Variants in NEXMIF observed in about 807,000 individuals in gnomAD.
NEXMIF encodes XLMR protein related to neurite extension.
In NEXMIF, 8 loss-of-function variants were observed where a neutral mutation model predicts 62.1. That is an observed-to-expected ratio of 0.13 (90% CI 0.08 to 0.23). The LOEUF is 0.23. NEXMIF is among the 10% of genes least tolerant of loss of function. The probability of loss-of-function intolerance (pLI) is 1.00; values close to 1 mark genes in which losing one functional copy is unlikely to be tolerated. For synonymous variants in NEXMIF, 404 were observed against 416.6 expected, an observed-to-expected ratio of 0.97 and a Z score of 0.37; for missense variants, 976 against 1,113.3, an observed-to-expected ratio of 0.88 and a Z score of 1.75.
chrX:74,884,548 C>T (rs1019592096), intron 1 of NEXMIF, among the ~76,000 whole-genome samples: 1 of 111,499 alleles, frequency 9.0e-6, no homozygotes, highest in African/African-American at 3.3e-5. Context: ...AGAGACAAAG[C>T]AGGCCATTAT....
chrX:74,836,259 A>G (rs769099769), intron 1 of NEXMIF, among the ~76,000 whole-genome samples: 1 of 112,852 alleles, frequency 8.9e-6, no homozygotes, highest in East Asian at 2.8e-4. Context: ...CAGGGAACCC[A>G]AGAGCCTGCT....
chrX:74,804,030 TGTG>T lies in NEXMIF; in HGVS notation c.-47-58336_-47-58334del, dbSNP rs1383179104. Among the ~76,000 whole-genome samples the T allele has an allele frequency of 2.7e-5, 3 of 111,943 alleles. No individual in the cohort carries two copies. The East Asian group carries it at 8.4e-4, about 31-fold the overall frequency. On this transcript the variant is annotated intron_variant, in intron 1 of 3. Coordinates refer to ENST00000055682, the MANE Select transcript of NEXMIF (RefSeq NM_001008537.3). ...AGACAGGATATTATAGAACTGTAATTGTGGTGTGTAAATTACTATTAAGTAGAA... is the reference window on the plus strand; with the variant it reads ...AGACAGGATATTATAGAACTGTAATTGTGTGTAAATTACTATTAAGTAGAA...
At chrX:74,924,019 G>A (rs1170951819) in intron 1 of NEXMIF, among the ~76,000 whole-genome samples, 2 of 111,870 alleles carry the variant, frequency 1.8e-5, no homozygotes, top group African/African-American at 3.3e-5. Context: ...AAAACCTTGC[G>A]CGGGTGATTC....
intron 1 of NEXMIF, among the ~76,000 whole-genome samples, chrX:74,756,790 C>T (rs769880533): frequency 8.9e-6 from 1 of 111,866 alleles, no homozygotes; most frequent in East Asian, 2.8e-4. Context: ...TGGCTGATGC[C>T]CAAAGCCATA....
At chrX:74,739,881 C>T in intron 3 of NEXMIF, 1 of 405,972 alleles carries the variant, frequency 2.5e-6, no homozygotes, top group Non-Finnish European at 4.2e-6. Context: ...TATCCCTAGC[C>T]AAGCCACAAC....
At chrX:74,789,627 C>T (rs1457798941) in intron 1 of NEXMIF, among the ~76,000 whole-genome samples, 2 of 110,921 alleles carry the variant, frequency 1.8e-5, no homozygotes, top group Non-Finnish European at 3.8e-5. Flanking sequence ...CACATCCTCT[C>T]CAGCACCTGT....
chrX:74,820,960 C>T (rs1481785330), intron 1 of NEXMIF, among the ~76,000 whole-genome samples: 2 of 110,979 alleles, frequency 1.8e-5, no homozygotes, highest in Non-Finnish European at 3.8e-5. Context: ...CAACTGAAAC[C>T]CCAGCCACAT....
chrX:74,856,373 C>T (rs964937707), intron 1 of NEXMIF, among the ~76,000 whole-genome samples: 1 of 111,512 alleles, frequency 9.0e-6, no homozygotes, highest in Non-Finnish European at 1.9e-5. Flanking sequence ...TTGAGATTAA[C>T]CAGTCTAAGG....
At position 74,733,571 on chromosome X, in the gene NEXMIF, T is replaced by C. The variant is rs1323644658; in HGVS notation, c.*5834A>G. On this transcript the variant is annotated 3_prime_UTR_variant, in exon 4 of 4. Transcript: ENST00000055682. ...TCTAATACATATGATTCTAAAGCAG[T>C]ATTTTAAACTTTTCTTTTTATTTAT... 1 of 112,367 alleles carries C rather than the reference T, an allele frequency of 8.9e-6. No homozygotes were observed. The highest frequency in any genetic ancestry group is 1.9e-5 in the Non-Finnish European group (1 of 53,254). The allele number at this position is 112,367 out of a possible 1,213,427, so 9.3% of individuals were successfully genotyped here.
chrX:74,834,425 T>C (rs1306842453), intron 1 of NEXMIF, among the ~76,000 whole-genome samples: 1 of 111,820 alleles, frequency 8.9e-6, no homozygotes, highest in Admixed American at 9.5e-5. Flanking sequence ...ACAACTTCTT[T>C]TTGCTCATTG....
chrX:74,766,967 C>T (rs900112056), intron 1 of NEXMIF, among the ~76,000 whole-genome samples: 1 of 111,891 alleles, frequency 8.9e-6, no homozygotes, highest in African/African-American at 3.2e-5. Context: ...GTGAGGACTG[C>T]GAACTGCATG....
Position 74,742,882 on chromosome X carries a change from C to T in NEXMIF, c.1675G>A (p.Gly559Ser), listed in dbSNP as rs1253434745. The T allele has an allele frequency of 5.8e-6, 7 of 1,209,292 alleles. No individual in the cohort carries two copies. The highest frequency in any genetic ancestry group is 6.7e-6 in the Non-Finnish European group (6 of 895,077). The change falls in exon 3 of 4, where the codon GGT becomes AGT. Residue 559 changes from glycine to serine, a missense_variant. By Grantham distance (56) the Gly-to-Ser change is moderately conservative. Coordinates refer to ENST00000055682, the MANE Select transcript of NEXMIF (RefSeq NM_001008537.3). ...GTTGTCTCACTGGCATCCACCTTAC[C>T]CAACTTCACCAGCATGTTCTTCTCA... ...KGEKNMLVKL[G>S]KVDASETTVN... is the part of the protein sequence containing the mutation.
intron 1 of NEXMIF, among the ~76,000 whole-genome samples, chrX:74,903,325 TACACACACACACACACACAC>T (rs397897060): frequency 1.0e-3 from 51 of 51,249 alleles, no homozygotes; most frequent in African/African-American, 2.1e-3. Context: ...TTCTCAGGCA[TACACACACACACACACACAC>T]ACACACACAC....
chrX:74,820,993 C>A (rs774803678), intron 1 of NEXMIF, among the ~76,000 whole-genome samples: 73 of 111,120 alleles, frequency 6.6e-4, no homozygotes, highest in African/African-American at 2.3e-3. Flanking sequence ...TGTAACCAAC[C>A]TGTACATGTG....
At chrX:74,879,859 A>T (rs1188855113) in intron 1 of NEXMIF, among the ~76,000 whole-genome samples, 3 of 112,082 alleles carry the variant, frequency 2.7e-5, no homozygotes, top group Non-Finnish European at 5.6e-5. Flanking sequence ...AAACACTCAA[A>T]CTTGATAGAA....
rs182701894 is a variant in NEXMIF, at chrX:74,914,739, T to C, written c.-48+10144A>G. Among the ~76,000 whole-genome samples the C allele has an allele frequency of 5.2e-3, 578 of 112,047 alleles. 4 individuals carry two copies. The highest frequency in any genetic ancestry group is 0.018 in the African/African-American group (555 of 30,837). ...CAAACAAAAAGCACCTGTATGCTAA[T>C]GTTCATAGCAGTTTTATTTGTAATA... On this transcript the variant is annotated intron_variant, in intron 1 of 3. Coordinates refer to ENST00000055682, the MANE Select transcript of NEXMIF (RefSeq NM_001008537.3).
chrX:74,824,815 A>AT (rs766526159), intron 1 of NEXMIF, among the ~76,000 whole-genome samples: 14 of 109,618 alleles, frequency 1.3e-4, no homozygotes, highest in South Asian at 8.1e-4. Context: ...CGCCCAGCTA[A>AT]TTTTTTTTAT....
At chrX:74,812,795 T>G (rs1193170296) in intron 1 of NEXMIF, among the ~76,000 whole-genome samples, 1 of 112,021 alleles carries the variant, frequency 8.9e-6, no homozygotes, top group Non-Finnish European at 1.9e-5. Flanking sequence ...TACCCAATTT[T>G]GTAGGATCTC....
chrX:74,752,644 G>T (rs1427437100), intron 1 of NEXMIF, among the ~76,000 whole-genome samples: 1 of 111,382 alleles, frequency 9.0e-6, no homozygotes, highest in Non-Finnish European at 1.9e-5. Flanking sequence ...ATTAAGACTG[G>T]AATTAGGGGT....
Sources: allele counts gnomAD v4.1 joint callset (sites outside exome capture counted in the v4.1 genomes callset), GRCh38; gene constraint gnomAD v4.1.1; transcripts MANE v1.5; gene names NCBI Gene and HGNC (gene_info 2026-07-23, HGNC 2026-07-21).